THADA: variants seen among roughly 807,000 people sequenced by gnomAD.
THADA encodes the protein tRNA (32-2'-O)-methyltransferase regulator THADA.
A neutral mutation model predicts 219.8 loss-of-function variants in THADA; 213 were observed. That is an observed-to-expected ratio of 0.97 (90% CI 0.87 to 1.09). THADA has a LOEUF of 1.09. THADA is among the 50% of genes least tolerant of loss of function. THADA has a pLI of 0.00. For synonymous variants in THADA, 1,018 were observed against 828.9 expected (o/e 1.23, Z -3.92); for missense variants, 2,956 against 2,311.3 (o/e 1.28, Z -5.72).
chr2:43,487,688 G>A (rs934530358), intron 25 of THADA, among the ~76,000 whole-genome samples: 6 of 152,158 alleles, frequency 3.9e-5, no homozygotes, highest in African/African-American at 9.7e-5. Flanking sequence ...TCACGAATGC[G>A]ATTAGTGCCC....
At chr2:43,586,018 AC>A (rs1700984332) in intron 7 of THADA, among the ~76,000 whole-genome samples, 1 of 152,140 alleles carries the variant, frequency 6.6e-6, no homozygotes, top group South Asian at 2.1e-4. Context: ...TAATCTCAAC[AC>A]TTCGGGAGGC....
Position 43,552,339 on chromosome 2 carries a change from A to G in THADA, c.2675T>C (p.Val892Ala), listed in dbSNP as rs758397403. ...AAVVERNTLMVIKCLMENLEE... is the reference protein window; with the variant it reads ...AAVVERNTLMAIKCLMENLEE... ...AAGATTTTCCATCAAGCATTTGATA[A>G]CTAGAAAAAGCAAACAGAAAATCAA... The change falls in exon 18 of 38, where the codon GTT (valine) becomes GCT (alanine). Residue 892 changes from valine (V) to alanine (A), a missense_variant and splice_region_variant. By Grantham distance (64) the Val-to-Ala change is moderately conservative. Coordinates refer to ENST00000405975, the MANE Select transcript of THADA (RefSeq NM_022065.5). The G allele has an allele frequency of 1.9e-6, 3 of 1,585,286 alleles. No homozygotes were observed. Among genetic ancestry groups the G allele is most frequent in the African/African-American group, 1.4e-5 (1 of 73,108 alleles).
At chr2:43,406,926 C>T (rs1206802273) in intron 28 of THADA, among the ~76,000 whole-genome samples, 1 of 152,190 alleles carries the variant, frequency 6.6e-6, no homozygotes, top group Non-Finnish European at 1.5e-5. Flanking sequence ...CACATTCCTC[C>T]CAATCGCAAA....
chr2:43,546,052 C>G (rs534431086), intron 20 of THADA, among the ~76,000 whole-genome samples: 1 of 148,768 alleles, frequency 6.7e-6, no homozygotes, highest in East Asian at 1.9e-4. Flanking sequence ...TGAATGTGTC[C>G]GAGAGATTCT....
At chr2:43,452,040 G>A (rs369810146) in intron 26 of THADA, among the ~76,000 whole-genome samples, 14 of 152,320 alleles carry the variant, frequency 9.2e-5, no homozygotes, top group African/African-American at 3.1e-4. Flanking sequence ...CCAGGAGGTA[G>A]AGGTTGCAGT....
At chr2:43,548,161 C>T (rs1202921554) in intron 20 of THADA, among the ~76,000 whole-genome samples, 8 of 152,138 alleles carry the variant, frequency 5.3e-5, no homozygotes, top group Non-Finnish European at 1.2e-4. Flanking sequence ...GTACCAGCAG[C>T]GGTGGCTGCA....
At chr2:43,253,384 T>C (rs747231891) in intron 36 of THADA, among the ~76,000 whole-genome samples, 19 of 152,102 alleles carry the variant, frequency 1.2e-4, no homozygotes, top group Non-Finnish European at 2.6e-4. Flanking sequence ...ACTTGGGCCC[T>C]TTGCCTACCT....
intron 29 of THADA, among the ~76,000 whole-genome samples, chr2:43,396,413 T>A (rs1201010168): frequency 2.6e-5 from 4 of 152,206 alleles, no homozygotes; most frequent in African/African-American, 9.6e-5. Context: ...CTGGTCCTTT[T>A]TTGTCCTTGG....
At chr2:43,410,605 A>G (rs1244195638) in intron 28 of THADA, among the ~76,000 whole-genome samples, 1 of 152,188 alleles carries the variant, frequency 6.6e-6, no homozygotes, top group Non-Finnish European at 1.5e-5. Context: ...TCTCAAAATA[A>G]TTATACTGAG....
intron 29 of THADA, among the ~76,000 whole-genome samples, chr2:43,371,378 A>G (rs946251484): frequency 6.6e-6 from 1 of 152,202 alleles, no homozygotes; most frequent in Non-Finnish European, 1.5e-5. Context: ...ACATATTATA[A>G]CATTCTTTTG....
chr2:43,504,388 T>C (rs1158903781), intron 24 of THADA, among the ~76,000 whole-genome samples: 1 of 152,176 alleles, frequency 6.6e-6, no homozygotes, highest in Non-Finnish European at 1.5e-5. Context: ...TGGGCTCCCT[T>C]TATCTAACAC....
At chr2:43,458,341 T>G (rs751303595) in intron 26 of THADA, among the ~76,000 whole-genome samples, 2 of 152,194 alleles carry the variant, frequency 1.3e-5, no homozygotes, top group Admixed American at 6.5e-5. Flanking sequence ...AGGTGCCATA[T>G]ACCAAGAGTC....
chr2:43,576,336 A>G (rs1699852939), intron 10 of THADA, among the ~76,000 whole-genome samples: 1 of 152,180 alleles, frequency 6.6e-6, no homozygotes, highest in Admixed American at 6.5e-5. Context: ...TTATGGCAAA[A>G]ACACCACAAA....
intron 25 of THADA, among the ~76,000 whole-genome samples, chr2:43,487,769 G>A (rs933026290): frequency 2.0e-5 from 3 of 152,154 alleles, no homozygotes; most frequent in African/African-American, 7.2e-5. Context: ...TGCTATCTAT[G>A]AACCAGAAAG....
chr2:43,571,230 T>C (rs1248479832), intron 13 of THADA, among the ~76,000 whole-genome samples: 1 of 150,576 alleles, frequency 6.6e-6, no homozygotes, highest in Non-Finnish European at 1.5e-5. Flanking sequence ...CACTCCAGCC[T>C]GGCTGACAGA....
intron 21 of THADA, among the ~76,000 whole-genome samples, chr2:43,530,845 G>T (rs1397440082): frequency 6.6e-6 from 1 of 151,310 alleles, no homozygotes; most frequent in African/African-American, 2.4e-5. Flanking sequence ...CTCAAGGATG[G>T]ACCTCAACCC....
chr2:43,546,565 G>A (rs1366579691), intron 20 of THADA, among the ~76,000 whole-genome samples: 2 of 152,118 alleles, frequency 1.3e-5, no homozygotes, highest in Non-Finnish European at 2.9e-5. Context: ...TGCATTGGGT[G>A]CATACATATT....
At chr2:43,514,844 A>G (rs1382167724) in intron 22 of THADA, among the ~76,000 whole-genome samples, 2 of 89,542 alleles carry the variant, frequency 2.2e-5, no homozygotes, top group East Asian at 3.6e-4. Context: ...TATTTTATAT[A>G]TAATAATATG....
At position 43,344,687 on chromosome 2, in the gene THADA, TGG is replaced by T. The variant is rs545938542; in HGVS notation, c.4228-452_4228-451del. On this transcript the variant is annotated intron_variant, in intron 29 of 37. Transcript: ENST00000405975. The stretch of plus-strand genomic sequence containing the variant: ...ATGTCTGAGTTCATTAGAACAGTCG[TGG>T]CTAAAGAAGTAGGTCAAACTAATTC... Among the ~76,000 whole-genome samples the T allele has an allele frequency of 3.3e-5, 5 of 152,318 alleles. No individual in the cohort carries two copies. In the South Asian group the frequency reaches 8.3e-4, roughly 25 times the overall value.
Sources: allele counts gnomAD v4.1 joint callset (sites outside exome capture counted in the v4.1 genomes callset), GRCh38; gene constraint gnomAD v4.1.1; transcripts MANE v1.5; gene names NCBI Gene and HGNC (gene_info 2026-07-23, HGNC 2026-07-21).